SPECC1: variants seen among roughly 807,000 people sequenced by gnomAD.
The protein encoded by SPECC1 is cytospin-B.
In SPECC1, 62 loss-of-function variants were observed where a neutral mutation model predicts 104.1. The observed-to-expected ratio is 0.60, with a 90% CI of 0.49 to 0.74. The LOEUF (loss-of-function observed/expected upper bound fraction) is 0.74, where lower values mean the gene tolerates loss of function less well. SPECC1 is among the 30% of genes least tolerant of loss of function. The probability of loss-of-function intolerance (pLI) is 0.00; values close to 1 mark genes in which losing one functional copy is unlikely to be tolerated. For synonymous variants in SPECC1, 513 were observed against 501.6 expected, an observed-to-expected ratio of 1.02 and a Z score of -0.30; for missense variants, 1,306 against 1,310.5, an observed-to-expected ratio of 1.00 and a Z score of 0.05.
intron 3 of SPECC1, among the ~76,000 whole-genome samples, chr17:20,152,491 A>G (rs2032099148): frequency 6.6e-6 from 1 of 152,140 alleles, no homozygotes; most frequent in Non-Finnish European, 1.5e-5. Context: ...TGGCTTAAAC[A>G]GCAGAAATTT....
At chr17:20,088,686 G>A (rs1444148276) in intron 1 of SPECC1, among the ~76,000 whole-genome samples, 1 of 152,196 alleles carries the variant, frequency 6.6e-6, no homozygotes, top group African/African-American at 2.4e-5. Flanking sequence ...CTACGCTGCA[G>A]GGTAAGGGGT....
chr17:20,046,131 A>G (rs2045531079), intron 1 of SPECC1, among the ~76,000 whole-genome samples: 1 of 151,848 alleles, frequency 6.6e-6, no homozygotes, highest in Non-Finnish European at 1.5e-5. Flanking sequence ...ATTTTTTTAG[A>G]GACAGTTTCT....
chr17:20,089,503 G>A (rs945504099), intron 1 of SPECC1, among the ~76,000 whole-genome samples: 1 of 151,880 alleles, frequency 6.6e-6, no homozygotes, highest in African/African-American at 2.4e-5. Flanking sequence ...TGACACATCT[G>A]TTGTCCCAGC....
intron 3 of SPECC1, chr17:20,155,723 A>G (rs2032406390): frequency 1.0e-5 from 2 of 191,190 alleles, no homozygotes; most frequent in Non-Finnish European, 2.0e-5. Context: ...TTCCGGCGGC[A>G]CTAGGCTTCC....
intron 1 of SPECC1, among the ~76,000 whole-genome samples, chr17:20,034,836 C>T (rs940075846): frequency 6.6e-6 from 1 of 151,920 alleles, no homozygotes; most frequent in African/African-American, 2.4e-5. Flanking sequence ...AACTCCTGAC[C>T]TTAGGTGATC....
intron 12 of SPECC1, among the ~76,000 whole-genome samples, chr17:20,286,124 A>G (rs887204460): frequency 6.6e-6 from 1 of 152,198 alleles, no homozygotes; most frequent in Admixed American, 6.5e-5. Context: ...TAATTGAGGT[A>G]TAACATACAC....
intron 1 of SPECC1, among the ~76,000 whole-genome samples, chr17:20,032,345 T>A: frequency 6.6e-6 from 1 of 152,208 alleles, no homozygotes; most frequent in African/African-American, 2.4e-5. Flanking sequence ...GGCCATCATT[T>A]GAATATTTTT....
intron 1 of SPECC1, among the ~76,000 whole-genome samples, chr17:20,037,949 T>C (rs923717161): frequency 3.3e-5 from 5 of 152,174 alleles, no homozygotes; most frequent in Non-Finnish European, 7.3e-5. Context: ...TCAGTAGTTA[T>C]CAGGCTATCC....
intron 3 of SPECC1, among the ~76,000 whole-genome samples, chr17:20,146,024 C>A (rs2031421659): frequency 1.3e-5 from 2 of 152,152 alleles, no homozygotes; most frequent in Admixed American, 1.3e-4. Context: ...TAACTTCTTG[C>A]ATTAGGATGG....
intron 4 of SPECC1, among the ~76,000 whole-genome samples, chr17:20,223,556 C>T (rs1053541025): frequency 1.6e-4 from 24 of 151,834 alleles, no homozygotes; most frequent in Admixed American, 5.3e-4. Flanking sequence ...GCCTGTAATC[C>T]CAGCTACTCA....
At chr17:20,016,426 G>T (rs1354690180) in intron 1 of SPECC1, among the ~76,000 whole-genome samples, 1 of 152,174 alleles carries the variant, frequency 6.6e-6, no homozygotes, top group Non-Finnish European at 1.5e-5. Context: ...GCTGGCCAAG[G>T]CTGGAGCCAG....
At chr17:20,306,142 C>T in intron 14 of SPECC1, 60 bp downstream of exon 14, 2 of 1,505,494 alleles carry the variant, frequency 1.3e-6, no homozygotes, top group Non-Finnish European at 1.8e-6. Flanking sequence ...GACTTTATGC[C>T]ATCTGATAAA....
chr17:20,214,966 G>A (rs1057053708), intron 4 of SPECC1, among the ~76,000 whole-genome samples: 8 of 152,216 alleles, frequency 5.3e-5, no homozygotes, highest in Non-Finnish European at 1.0e-4. Flanking sequence ...CCTGGGAGAG[G>A]AAACACAGAA....
At chr17:20,106,730 A>T (rs915090938) in intron 2 of SPECC1, among the ~76,000 whole-genome samples, 2 of 152,194 alleles carry the variant, frequency 1.3e-5, no homozygotes, top group East Asian at 1.9e-4. Context: ...CTCCCTAGCC[A>T]TGTGGAACTG....
At chr17:20,144,097 T>C (rs2031168650) in intron 3 of SPECC1, among the ~76,000 whole-genome samples, 1 of 151,738 alleles carries the variant, frequency 6.6e-6, no homozygotes, top group African/African-American at 2.4e-5. Context: ...CCAGAAATAC[T>C]GCGGGAACTT....
intron 1 of SPECC1, among the ~76,000 whole-genome samples, chr17:20,082,983 TTCGTTCGTTC>T (rs2047038664): frequency 6.6e-6 from 1 of 151,626 alleles, no homozygotes; most frequent in African/African-American, 2.4e-5. Context: ...CGTTCGTTCG[TTCGTTCGTTC>T]GTTCGTTCGT....
At chr17:20,303,362 G>A (rs1373146) in intron 13 of SPECC1, among the ~76,000 whole-genome samples, 64,464 of 152,004 alleles carry the variant, frequency 0.42, 14,278 homozygotes, top group East Asian at 0.79. Context: ...GCCCATGCCC[G>A]CTCCTTTCCT....
chr17:20,138,916 T>C (rs912025854), intron 3 of SPECC1, among the ~76,000 whole-genome samples: 9 of 152,234 alleles, frequency 5.9e-5, no homozygotes, highest in African/African-American at 2.2e-4. Context: ...TGGTCAATAT[T>C]AAATTTTTCC....
intron 1 of SPECC1, among the ~76,000 whole-genome samples, chr17:20,013,030 A>G (rs902859945): frequency 2.6e-5 from 4 of 152,170 alleles, no homozygotes; most frequent in African/African-American, 7.2e-5. Flanking sequence ...CATGTGTCAG[A>G]ATTTTCTTCA....
Sources: gnomAD v4.1 joint callset for allele counts (sites outside exome capture counted in the v4.1 genomes callset) on GRCh38, gnomAD v4.1.1 for gene constraint, MANE v1.5 for transcripts, NCBI Gene and HGNC (gene_info 2026-07-23, HGNC 2026-07-21) for gene names.